The following ADCY3 variants were observed in gnomAD, a reference collection of about 807,000 sequenced individuals.
ADCY3 encodes the protein adenylate cyclase 3.
In ADCY3, 70 loss-of-function variants were observed where a neutral mutation model predicts 119.4. The observed-to-expected ratio is 0.59, with a 90% confidence interval of 0.48 to 0.72. The LOEUF is 0.72. ADCY3 is among the 30% of genes least tolerant of loss of function. ADCY3 has a pLI of 0.00. For synonymous variants in ADCY3, 672 were observed against 621.4 expected (o/e 1.08, Z -1.21); for missense variants, 1,238 against 1,541.6 (o/e 0.80, Z 3.30).
chr2:24,842,251 T>C lies in ADCY3; in HGVS notation c.956+3A>G. ...TCAGAGCCCGCGCCCCGGGCCGGCG[T>C]ACCTGACGTTCTCGTGACGGTACAT... On this transcript the variant is annotated splice_donor_region_variant and intron_variant, in intron 4 of 21. Coordinates refer to ENST00000679454, the MANE Select transcript of ADCY3 (RefSeq NM_004036.5). The surrounding 1 kb of genome is among the most constrained non-coding windows in gnomAD (Gnocchi z 4.9). 6.2e-7 allele frequency: 1 copy of C among 1,614,102 alleles called. No individual in the cohort carries two copies. The highest frequency in any genetic ancestry group is 2.2e-5 in the East Asian group (1 of 44,882).
intron 2 of ADCY3, among the ~76,000 whole-genome samples, chr2:24,902,867 T>C (rs1314163413): frequency 6.6e-6 from 1 of 152,036 alleles, no homozygotes; most frequent in Non-Finnish European, 1.5e-5. Context: ...CCGTCTCTAC[T>C]AAAAACACAA....
chr2:24,866,581 A>G (rs927478142), intron 3 of ADCY3, among the ~76,000 whole-genome samples: 6 of 150,212 alleles, frequency 4.0e-5, no homozygotes, highest in African/African-American at 7.3e-5. Context: ...AAAAAAAAAA[A>G]AAAAGAAAAA....
chr2:24,863,504 T>C (rs566892560), intron 3 of ADCY3, among the ~76,000 whole-genome samples: 2 of 152,294 alleles, frequency 1.3e-5, no homozygotes, highest in South Asian at 4.1e-4. Context: ...CCTTCATAGA[T>C]ATCTATTCCA....
intron 2 of ADCY3, among the ~76,000 whole-genome samples, chr2:24,897,865 C>G (rs74752557): frequency 0.22 from 33,785 of 151,978 alleles, 3,927 homozygotes; most frequent in African/African-American, 0.27. Context: ...CCGCCACGTT[C>G]AGGCAGGTTC....
At chr2:24,835,360 G>C (rs900517075) in intron 9 of ADCY3, among the ~76,000 whole-genome samples, 4 of 152,176 alleles carry the variant, frequency 2.6e-5, no homozygotes, top group Admixed American at 6.5e-5. Context: ...AGGGCTTCAG[G>C]GAACTGTTAA....
chr2:24,824,758 G>A (rs1221930818), intron 16 of ADCY3, among the ~76,000 whole-genome samples: 1 of 152,042 alleles, frequency 6.6e-6, no homozygotes, highest in Non-Finnish European at 1.5e-5. Context: ...GCATGGTGGC[G>A]GGCACCTGTA....
At chr2:24,839,156 G>T (rs1425296356) in intron 7 of ADCY3, among the ~76,000 whole-genome samples, 3 of 152,036 alleles carry the variant, frequency 2.0e-5, no homozygotes, top group Admixed American at 2.0e-4. Flanking sequence ...TGGTCAGGCT[G>T]GTCTCAAACT....
chr2:24,845,429 G>A (rs980934309), intron 3 of ADCY3, among the ~76,000 whole-genome samples: 5 of 152,224 alleles, frequency 3.3e-5, no homozygotes, highest in Non-Finnish European at 7.3e-5. Context: ...TGGAGCAAAG[G>A]TGACTGTTAT....
intron 3 of ADCY3, among the ~76,000 whole-genome samples, chr2:24,866,564 C>CAAAAAAAAAAAAAA (rs71397449): frequency 4.1e-3 from 187 of 45,886 alleles, no homozygotes; most frequent in Middle Eastern, 0.016. Flanking sequence ...GACCCTGTCT[C>CAAAAAAAAAAAAAA]AAAAAAAAAA....
At chr2:24,836,849 C>G in intron 9 of ADCY3, 68 bp downstream of exon 9, 1 of 1,540,078 alleles carries the variant, frequency 6.5e-7, no homozygotes, top group Non-Finnish European at 8.7e-7. Flanking sequence ...GCTGCAGGAA[C>G]GTATTGCTTC....
At chr2:24,865,532 T>C (rs1236389577) in intron 3 of ADCY3, among the ~76,000 whole-genome samples, 1 of 141,268 alleles carries the variant, frequency 7.1e-6, no homozygotes, top group Non-Finnish European at 1.5e-5. Flanking sequence ...TGTGTGTGTG[T>C]GTGAAAATTC....
At chr2:24,853,648 T>C (rs1337404604) in intron 3 of ADCY3, among the ~76,000 whole-genome samples, 1 of 151,936 alleles carries the variant, frequency 6.6e-6, no homozygotes, top group Non-Finnish European at 1.5e-5. Context: ...TTTTATATGT[T>C]TAGTAGAGAC....
intron 2 of ADCY3, among the ~76,000 whole-genome samples, chr2:24,891,726 C>T (rs1190678840): frequency 6.6e-6 from 1 of 152,122 alleles, no homozygotes; most frequent in Non-Finnish European, 1.5e-5. Flanking sequence ...GCAAAAGTAA[C>T]AGCTACAGTG....
chr2:24,841,738 C>A lies in ADCY3; in HGVS notation c.957-71G>T, dbSNP rs1213610606. On this transcript the variant is annotated intron_variant, in intron 4 of 21. Coordinates refer to ENST00000679454, the MANE Select transcript of ADCY3 (RefSeq NM_004036.5). The surrounding 1 kb of genome is among the most constrained non-coding windows in gnomAD (Gnocchi z 5.8). ...TGTACCCGACCCCACTGCCAGCTCCCTCTCCAACCCACAGGGCAGCCAGGA... is the reference window on the plus strand; with the variant it reads ...TGTACCCGACCCCACTGCCAGCTCCATCTCCAACCCACAGGGCAGCCAGGA... 8.5e-7 allele frequency: 1 copy of A among 1,177,844 alleles called. No individual in the cohort carries two copies. 73.0% of individuals were successfully genotyped at this position (1,177,844 alleles called of 1,614,324 possible). A position where few individuals can be genotyped will look rare whatever the true frequency, so the allele number is the denominator to read the frequency against.
rs369803323 is a variant in ADCY3 at position 24,827,942 on chromosome 2, C to T, written c.2392G>A (p.Val798Ile). 89 of 1,614,094 alleles carry T rather than the reference C, an allele frequency of 5.5e-5. No individual in the cohort carries two copies. The highest frequency in any genetic ancestry group is 6.4e-5 in the Non-Finnish European group (76 of 1,180,050). ...CGCTTGTGGTCGTATTCATCAAAGA[C>T]GGGACGCCAGGCATAGAGGTTGATG... ...ATINLYAWRPVFDEYDHKRFR... is the reference protein window; with the variant it reads ...ATINLYAWRPIFDEYDHKRFR... The change falls in exon 14 of 22, where the codon GTC (valine) becomes ATC (isoleucine). Residue 798 changes from valine to isoleucine, a missense_variant. Transcript: ENST00000679454.
intron 2 of ADCY3, among the ~76,000 whole-genome samples, chr2:24,900,358 A>T (rs6722341): frequency 0.2 from 29,958 of 146,846 alleles, 5,170 homozygotes; most frequent in African/African-American, 0.46. Flanking sequence ...AAAAAAAAAA[A>T]TAAATAAAAA....
chr2:24,834,825 CGTTGAGCAGCTG>C lies in ADCY3; in HGVS notation c.1762_1773del (p.Gln588_Asn591del), dbSNP rs1670082036. On this transcript the variant is annotated inframe_deletion, in exon 10 of 22. Transcript: ENST00000679454. The surrounding 1 kb of genome is among the most constrained non-coding windows in gnomAD (Gnocchi z 4.2). ...GCGGACTCTCGCTCAAGCAGGGCCT[CGTTGAGCAGCTG>C]GTTGAGCTCGTGCTCATCTTCAGAG... The C allele has an allele frequency of 6.2e-7, 1 of 1,613,772 alleles. No individual in the cohort carries two copies. Among genetic ancestry groups the C allele is most frequent in the South Asian group, 1.1e-5 (1 of 91,082 alleles).
In ADCY3 at chr2:24,834,432, C is replaced by A; in HGVS notation, c.1967+53G>T. On this transcript the variant is annotated intron_variant, in intron 11 of 21. Coordinates refer to ENST00000679454, the MANE Select transcript of ADCY3 (RefSeq NM_004036.5). This position sits in a 1 kb window ranked among gnomAD's most constrained non-coding sequence, Gnocchi z 4.2. ...TGAGACACCTGCCCCCGCCCCCCGC[C>A]CGGCACCACCGCAGCCGAGGAAACT... 1 of 1,184,952 alleles carries A rather than the reference C, an allele frequency of 8.4e-7. No individual in the cohort carries two copies. Among genetic ancestry groups the A allele is most frequent in the Non-Finnish European group, 1.2e-6 (1 of 843,102 alleles). 73.4% of individuals were successfully genotyped at this position (1,184,952 alleles called of 1,614,324 possible).
At chr2:24,821,820 T>TCA in intron 19 of ADCY3, 180 bp from the exon 20 acceptor site, 1 of 871,010 alleles carries the variant, frequency 1.1e-6, no homozygotes. Flanking sequence ...GTGACAAAGT[T>TCA]CACGTAGCAG....
Sources: gnomAD v4.1 joint callset for allele counts (sites outside exome capture counted in the v4.1 genomes callset) on GRCh38, gnomAD v4.1.1 for gene constraint, Gnocchi (gnomAD v3.1) non-coding constraint, MANE v1.5 for transcripts, NCBI Gene and HGNC (gene_info 2026-07-23, HGNC 2026-07-21) for gene names.